The following OBI1 variants were observed in gnomAD, a reference collection of about 807,000 sequenced individuals.
OBI1 encodes ring finger protein 219.
OBI1 carries 59 observed loss-of-function variants against 62.4 expected under a neutral mutation model. That is an observed-to-expected ratio of 0.95 (90% CI 0.77 to 1.17). The LOEUF (loss-of-function observed/expected upper bound fraction) is 1.17. OBI1 is among the 50% of genes most tolerant of loss of function. The pLI, the probability that OBI1 is intolerant of heterozygous loss-of-function variation, is 0.00. For synonymous variants in OBI1, 302 were observed against 292.8 expected (o/e 1.03, Z -0.32); for missense variants, 875 against 830.9 (o/e 1.05, Z -0.65).
At chr13:78,638,678 T>C (rs1876101664) in intron 4 of OBI1, 145 bp downstream of exon 4, 10 of 713,134 alleles carry the variant, frequency 1.4e-5, no homozygotes, top group Non-Finnish European at 2.3e-5. Flanking sequence ...AAAAGTCTTC[T>C]TATTGCATAT....
chr13:78,636,349 C>A (rs1449326890), intron 4 of OBI1, among the ~76,000 whole-genome samples: 3 of 152,142 alleles, frequency 2.0e-5, no homozygotes, highest in African/African-American at 7.2e-5. Flanking sequence ...ACCTCACTAA[C>A]CTGGGAAAGG....
At chr13:78,640,035 C>A (rs957340882) in intron 3 of OBI1, among the ~76,000 whole-genome samples, 1 of 151,258 alleles carries the variant, frequency 6.6e-6, no homozygotes, top group Non-Finnish European at 1.5e-5. Context: ...AACAAACAAA[C>A]AAAAAAAAGA....
chr13:78,624,285 C>T (rs1288692062), intron 5 of OBI1, among the ~76,000 whole-genome samples: 1 of 152,132 alleles, frequency 6.6e-6, no homozygotes, highest in Admixed American at 6.5e-5. Context: ...GAATTTCACC[C>T]TTAAAGACAA....
At position 78,638,807 on chromosome 13, in the gene OBI1, A is replaced by G. The variant is rs368017346; in HGVS notation, c.549+16T>C. 63 of 1,591,532 alleles carry G rather than the reference A, an allele frequency of 4.0e-5. 1 individual carries two copies. The African/African-American group carries it at 6.6e-4, about 17-fold the overall frequency. On this transcript the variant is annotated intron_variant, in intron 4 of 5. Transcript: ENST00000282003. Reference sequence around the variant, plus strand: ...TTAAAAACAACCATAATAGATTTTTAAAAACCACAACTTACCTCCTTTAGC... The same window carrying G: ...TTAAAAACAACCATAATAGATTTTTGAAAACCACAACTTACCTCCTTTAGC...
At chr13:78,648,700 G>A (rs971775330) in intron 1 of OBI1, among the ~76,000 whole-genome samples, 3 of 152,054 alleles carry the variant, frequency 2.0e-5, no homozygotes, top group African/African-American at 7.2e-5. Flanking sequence ...GATCACCTGA[G>A]GTCAGGAGTT....
At position 78,614,757 on chromosome 13, in the gene OBI1, T is replaced by G. The variant is rs1395439040; in HGVS notation, c.*823A>C. The stretch of plus-strand genomic sequence containing the variant: ...CATCTGGAACAATGAAGCTATGATG[T>G]TTTAGGTTCCTCTAAACCCAAGTGC... On this transcript the variant is annotated 3_prime_UTR_variant, in exon 6 of 6. Coordinates refer to ENST00000282003, the MANE Select transcript of OBI1 (RefSeq NM_024546.4). 2 of 152,210 alleles carry G rather than the reference T, an allele frequency of 1.3e-5. No homozygotes were observed. Among genetic ancestry groups the G allele is most frequent in the Non-Finnish European group, 2.9e-5 (2 of 68,046 alleles). 9.4% of individuals were successfully genotyped at this position (152,210 alleles called of 1,614,324 possible).
chr13:78,631,240 T>C (rs566886907), intron 5 of OBI1, among the ~76,000 whole-genome samples: 4 of 152,114 alleles, frequency 2.6e-5, no homozygotes, highest in Non-Finnish European at 5.9e-5. Flanking sequence ...GTGGTTGCAA[T>C]AGTGACTACA....
chr13:78,645,023 T>C (rs763306936), intron 1 of OBI1, 26 bp from the exon 2 acceptor site: 24 of 1,595,974 alleles, frequency 1.5e-5, no homozygotes, highest in Non-Finnish European at 1.9e-5. Context: ...TCACTTTTAG[T>C]ACAGGACAAC....
chr13:78,623,749 C>T (rs941533995), intron 5 of OBI1, among the ~76,000 whole-genome samples: 2 of 152,158 alleles, frequency 1.3e-5, no homozygotes. Flanking sequence ...TTGGTACATA[C>T]ATTGGCTAAT....
In OBI1 at chr13:78,647,239, T is replaced by C. The variant is rs1876412418; in HGVS notation, c.73-2242A>G. Among the ~76,000 whole-genome samples the C allele has an allele frequency of 3.9e-5, 6 of 152,138 alleles. No individual in the cohort carries two copies. In the South Asian group the frequency reaches 1.0e-3, roughly 26 times the overall value. On this transcript the variant is annotated intron_variant, in intron 1 of 5. Coordinates refer to ENST00000282003, the MANE Select transcript of OBI1 (RefSeq NM_024546.4). ...CGTGAACGGTCTGTGCTGAGGAGGA[T>C]TAGTAAAAGGGGAAGGCCCCTTGCA...
intron 2 of OBI1, among the ~76,000 whole-genome samples, chr13:78,644,546 G>C (rs996511701): frequency 6.6e-6 from 1 of 151,846 alleles, no homozygotes; most frequent in South Asian, 2.1e-4. Context: ...AGCCCTTCTC[G>C]GTGTTCTTAG....
intron 2 of OBI1, among the ~76,000 whole-genome samples, chr13:78,643,769 C>T (rs562097957): frequency 4.7e-4 from 72 of 151,780 alleles, no homozygotes; most frequent in African/African-American, 1.7e-3. Flanking sequence ...GCCTGGGTAA[C>T]AAGAGCGAAA....
chr13:78,650,629 C>G (rs1450750577), intron 1 of OBI1, among the ~76,000 whole-genome samples: 4 of 152,048 alleles, frequency 2.6e-5, no homozygotes, highest in Non-Finnish European at 5.9e-5. Flanking sequence ...CCTTTAGCTA[C>G]TGTGGGCATC....
intron 5 of OBI1, among the ~76,000 whole-genome samples, chr13:78,634,811 T>C (rs1267666095): frequency 1.3e-5 from 2 of 152,252 alleles, no homozygotes; most frequent in Admixed American, 6.5e-5. Flanking sequence ...ATCTCACTAC[T>C]ATGTTAGTAC....
Position 78,638,961 on chromosome 13 carries a change from G to T in OBI1, c.411C>A (p.Asn137Lys). ...TGACTAGATGTTTGTCTTCATTTTGGTTGCCCTGCACCAAGGTTAAAGGAT... is the reference window on the plus strand; with the variant it reads ...TGACTAGATGTTTGTCTTCATTTTGTTTGCCCTGCACCAAGGTTAAAGGAT... ...ILDPLTLVQG[N>K]QNEDKHLVTD... The change falls in exon 4 of 6, where the codon AAC (asparagine) becomes AAA (lysine). Residue 137 changes from asparagine (N) to lysine (K), a missense_variant. Physicochemically the swap from Asn to Lys is moderately conservative, Grantham distance 94. Transcript: ENST00000282003. 2 of 1,613,724 alleles carry T rather than the reference G, an allele frequency of 1.2e-6. No homozygotes were observed. The highest frequency in any genetic ancestry group is 4.5e-5 in the East Asian group (2 of 44,808).
intron 1 of OBI1, among the ~76,000 whole-genome samples, chr13:78,656,909 T>C (rs1876729406): frequency 6.7e-6 from 1 of 149,054 alleles, no homozygotes; most frequent in Non-Finnish European, 1.5e-5. Context: ...GCAATTCTCC[T>C]GCCTCAACTG....
At chr13:78,637,711 G>T (rs895648321) in intron 4 of OBI1, among the ~76,000 whole-genome samples, 11 of 152,180 alleles carry the variant, frequency 7.2e-5, no homozygotes, top group African/African-American at 2.7e-4. Context: ...AATACCCAAA[G>T]AAACTATGCA....
chr13:78,638,524 G>C (rs1031354380), intron 4 of OBI1, among the ~76,000 whole-genome samples: 1 of 152,110 alleles, frequency 6.6e-6, no homozygotes, highest in Admixed American at 6.5e-5. Flanking sequence ...ACCACAAAGA[G>C]GACGAAACAG....
chr13:78,647,086 C>A (rs1876406712), intron 1 of OBI1, among the ~76,000 whole-genome samples: 1 of 152,226 alleles, frequency 6.6e-6, no homozygotes, highest in Non-Finnish European at 1.5e-5. Context: ...GGGCACAATG[C>A]ACGGCGGAAA....
Sources: gnomAD v4.1 joint callset for allele counts (sites outside exome capture counted in the v4.1 genomes callset) on GRCh38, gnomAD v4.1.1 for gene constraint, MANE v1.5 for transcripts, NCBI Gene and HGNC (gene_info 2026-07-23, HGNC 2026-07-21) for gene names.